Variants in PDE11A observed in about 807,000 individuals in gnomAD.
PDE11A encodes dual 3',5'-cyclic-AMP and -GMP phosphodiesterase 11A.
PDE11A carries 100 observed loss-of-function variants against 100.5 expected under a neutral mutation model. The observed-to-expected ratio is 1.00, with a 90% CI of 0.85 to 1.18. The LOEUF (loss-of-function observed/expected upper bound fraction) is 1.18, where lower values mean the gene tolerates loss of function less well. PDE11A is among the 50% of genes most tolerant of loss of function. The pLI is 0.00. For synonymous variants in PDE11A, 381 were observed against 420.8 expected, an observed-to-expected ratio of 0.91 and a Z score of 1.16; for missense variants, 1,141 against 1,152.6, an observed-to-expected ratio of 0.99 and a Z score of 0.15.
chr2:177,923,297 G>A (rs2085078933), intron 2 of PDE11A, among the ~76,000 whole-genome samples: 1 of 151,864 alleles, frequency 6.6e-6, no homozygotes, highest in Non-Finnish European at 1.5e-5. Flanking sequence ...GGAGTTTCAG[G>A]TTGCAATGGG....
chr2:177,960,092 T>A (rs1310709930), intron 2 of PDE11A, among the ~76,000 whole-genome samples: 1 of 150,826 alleles, frequency 6.6e-6, no homozygotes, highest in South Asian at 2.1e-4. Flanking sequence ...CTGTCATTAT[T>A]TTTTTTTTAT....
intron 12 of PDE11A, among the ~76,000 whole-genome samples, chr2:177,725,390 A>G (rs750415161): frequency 1.3e-5 from 2 of 152,134 alleles, no homozygotes; most frequent in Non-Finnish European, 2.9e-5. Flanking sequence ...AGCAGAAAAT[A>G]CTATCTTTTC....
chr2:177,663,085 T>C (rs1474850755), intron 19 of PDE11A, among the ~76,000 whole-genome samples: 3 of 152,248 alleles, frequency 2.0e-5, no homozygotes, highest in Non-Finnish European at 2.9e-5. Context: ...GCCAGGTTTT[T>C]ACAAATGAAA....
intron 10 of PDE11A, among the ~76,000 whole-genome samples, chr2:177,731,470 G>A (rs546962704): frequency 2.6e-5 from 4 of 152,244 alleles, no homozygotes; most frequent in South Asian, 4.2e-4. Context: ...GGAGCCTAGC[G>A]GGGAAGCAGG....
At chr2:177,760,020 T>C (rs2082147654) in intron 10 of PDE11A, among the ~76,000 whole-genome samples, 1 of 152,170 alleles carries the variant, frequency 6.6e-6, no homozygotes, top group Non-Finnish European at 1.5e-5. Flanking sequence ...TGAAACTCCA[T>C]GACATTGCTT....
chr2:177,840,929 A>G (rs1292279265), intron 5 of PDE11A, among the ~76,000 whole-genome samples: 1 of 152,232 alleles, frequency 6.6e-6, no homozygotes, highest in Non-Finnish European at 1.5e-5. Flanking sequence ...TAATATTTTA[A>G]TAACTTTTAG....
intron 2 of PDE11A, among the ~76,000 whole-genome samples, chr2:177,971,143 T>C (rs1488806228): frequency 1.3e-5 from 2 of 152,202 alleles, no homozygotes; most frequent in Non-Finnish European, 2.9e-5. Flanking sequence ...CAACAAACAT[T>C]GCTGTATAGA....
chr2:177,814,273 A>G (rs763615829), intron 9 of PDE11A, among the ~76,000 whole-genome samples: 2 of 127,466 alleles, frequency 1.6e-5, no homozygotes, highest in Non-Finnish European at 3.2e-5. Context: ...ATAAATACAT[A>G]AATTTAAAAA....
chr2:177,744,101 G>A (rs1269387283), intron 10 of PDE11A, among the ~76,000 whole-genome samples: 3 of 152,142 alleles, frequency 2.0e-5, no homozygotes, highest in Non-Finnish European at 4.4e-5. Flanking sequence ...GACCAAATGG[G>A]GACTCCAGTT....
chr2:178,044,828 A>T (rs2086729394), intron 1 of PDE11A, among the ~76,000 whole-genome samples: 1 of 152,106 alleles, frequency 6.6e-6, no homozygotes, highest in African/African-American at 2.4e-5. Flanking sequence ...GAAACTCTCC[A>T]TTTCCCAAAT....
intron 2 of PDE11A, among the ~76,000 whole-genome samples, chr2:177,958,341 A>G (rs1263528001): frequency 6.6e-6 from 1 of 152,230 alleles, no homozygotes; most frequent in Non-Finnish European, 1.5e-5. Flanking sequence ...CATCCCAAGA[A>G]TAGTGCAAGC....
chr2:177,905,183 A>G lies in PDE11A; in HGVS notation c.1076T>C (p.Met359Thr). 6.3e-7 allele frequency: 1 copy of G among 1,577,100 alleles called. No homozygotes were observed. The highest frequency in any genetic ancestry group is 8.7e-7 in the Non-Finnish European group (1 of 1,146,054). ...APFTEDDEKV[M>T]QMYLPFCGIA... The stretch of plus-strand genomic sequence containing the variant: ...TCCACAAAATGGAAGATACATCTGC[A>G]TAACCTGGGACAAAGAGAGTAGTAA... Residue 359 changes from methionine (M) to threonine (T), a missense_variant, in exon 3 of 20, where the codon ATG (methionine) becomes ACG (threonine). Transcript: ENST00000286063.
At position 178,072,372 on chromosome 2, in the gene PDE11A, AAAC is replaced by A. The variant is rs745385028; in HGVS notation, c.63_65del (p.Leu21del). ...TCCCCTTCCGCATCAAGTAATCTTC[AAAC>A]AACTCTGGGTGCCTGTCCAGGAAAG... On this transcript the variant is annotated inframe_deletion, in exon 1 of 20. Transcript: ENST00000286063. 1 of 1,613,872 alleles carries A rather than the reference AAAC, an allele frequency of 6.2e-7. No individual in the cohort carries two copies. The highest frequency in any genetic ancestry group is 8.5e-7 in the Non-Finnish European group (1 of 1,180,038).
chr2:178,025,927 A>G (rs1397751189), intron 1 of PDE11A, among the ~76,000 whole-genome samples: 2 of 152,212 alleles, frequency 1.3e-5, no homozygotes, highest in Non-Finnish European at 2.9e-5. Context: ...CAGTCTGCAA[A>G]TAAGGGGAAG....
chr2:177,763,655 G>A (rs879424143), intron 10 of PDE11A, among the ~76,000 whole-genome samples: 10 of 152,120 alleles, frequency 6.6e-5, no homozygotes, highest in Admixed American at 1.3e-4. Context: ...TGGGACTCAG[G>A]TCTACCCCTC....
At chr2:178,098,624 C>CA (rs961922451) in intron 2 of PDE11A, among the ~76,000 whole-genome samples, 2 of 151,898 alleles carry the variant, frequency 1.3e-5, no homozygotes, top group African/African-American at 4.8e-5. Context: ...TCAAAATTGT[C>CA]AAAAAGAATA....
At chr2:177,831,033 C>T (rs2083300434) in intron 6 of PDE11A, among the ~76,000 whole-genome samples, 2 of 152,114 alleles carry the variant, frequency 1.3e-5, no homozygotes, top group Admixed American at 1.3e-4. Context: ...GCCTTAAAAC[C>T]ATGTATGCTA....
chr2:177,666,552 C>G (rs1183128528), intron 18 of PDE11A, among the ~76,000 whole-genome samples: 1 of 152,188 alleles, frequency 6.6e-6, no homozygotes, highest in Admixed American at 6.5e-5. Context: ...CAGCCTCACC[C>G]AACACTTGTT....
chr2:178,080,378 C>T (rs1384693995), intron 2 of PDE11A, among the ~76,000 whole-genome samples: 1 of 152,162 alleles, frequency 6.6e-6, no homozygotes, highest in Non-Finnish European at 1.5e-5. Flanking sequence ...AGCCAGTTCT[C>T]CCAGCATCAT....
Sources: gnomAD v4.1 joint callset for allele counts (sites outside exome capture counted in the v4.1 genomes callset) on GRCh38, gnomAD v4.1.1 for gene constraint, MANE v1.5 for transcripts, NCBI Gene and HGNC (gene_info 2026-07-23, HGNC 2026-07-21) for gene names.